Variants in FXR1 observed in about 807,000 individuals in gnomAD.
The protein encoded by FXR1 is FMR1 autosomal homolog 1.
In FXR1, 15 loss-of-function variants were observed where a neutral mutation model predicts 84.0. The ratio of observed to expected loss-of-function variants is 0.18; its 90% CI spans 0.12 to 0.27. The LOEUF is 0.27. Ranked by LOEUF, FXR1 falls within the 10% of genes least tolerant of loss-of-function variation. The pLI, the probability that FXR1 is intolerant of heterozygous loss-of-function variation, is 1.00. For missense variants in FXR1, 480 were observed against 774.4 expected, an observed-to-expected ratio of 0.62 and a Z score of 4.51; for synonymous variants, 245 against 250.7, an observed-to-expected ratio of 0.98 and a Z score of 0.21.
intron 9 of FXR1, among the ~76,000 whole-genome samples, chr3:180,955,388 A>G (rs1463753534): frequency 6.6e-6 from 1 of 152,124 alleles, no homozygotes; most frequent in Non-Finnish European, 1.5e-5. Context: ...TTCTTGGTAT[A>G]CCGTTGTTCA....
intron 8 of FXR1, among the ~76,000 whole-genome samples, chr3:180,952,219 A>C (rs1209697027): frequency 6.6e-6 from 1 of 152,174 alleles, no homozygotes; most frequent in Non-Finnish European, 1.5e-5. Flanking sequence ...CAGCCTTCCA[A>C]AGTGCCGGGA....
At position 180,961,456 on chromosome 3, in the gene FXR1, T is replaced by C. The variant is rs1380951256; in HGVS notation, c.991-12T>C. On this transcript the variant is annotated splice_polypyrimidine_tract_variant and intron_variant, in intron 10 of 16. Transcript: ENST00000357559. ...TATTAAACACTGAATACTTTTTTTT[T>C]TTTTTAAACAGGGTATGGTTCCATT... 5 of 1,438,798 alleles carry C rather than the reference T, an allele frequency of 3.5e-6. No individual in the cohort carries two copies. Among genetic ancestry groups the C allele is most frequent in the Non-Finnish European group, 9.7e-7 (1 of 1,029,068 alleles). The allele number at this position is 1,438,798 out of a possible 1,614,324, so 89.1% of individuals were successfully genotyped here.
chr3:180,914,450 A>G (rs573437611), intron 1 of FXR1, among the ~76,000 whole-genome samples: 1 of 152,224 alleles, frequency 6.6e-6, no homozygotes, highest in South Asian at 2.1e-4. Flanking sequence ...TTTCTTGCAT[A>G]TTGGAAAAAA....
chr3:180,974,497 A>C (rs1303107556), intron 15 of FXR1, among the ~76,000 whole-genome samples: 6 of 152,216 alleles, frequency 3.9e-5, no homozygotes, highest in African/African-American at 1.2e-4. Flanking sequence ...GTCAGTCCAC[A>C]TACTGTAGAA....
intron 9 of FXR1, among the ~76,000 whole-genome samples, chr3:180,954,872 ATTTTT>A (rs11328945): frequency 3.6e-4 from 41 of 114,578 alleles, no homozygotes; most frequent in African/African-American, 1.1e-3. Context: ...TTCTAAAAAG[ATTTTT>A]TTTTTTTTTT....
At chr3:180,944,654 T>C (rs977869097) in intron 3 of FXR1, among the ~76,000 whole-genome samples, 7 of 152,032 alleles carry the variant, frequency 4.6e-5, no homozygotes, top group Non-Finnish European at 1.5e-5. Context: ...AGGCCATTAT[T>C]GACTCCATGC....
chr3:180,938,572 G>C (rs528718631), intron 3 of FXR1, among the ~76,000 whole-genome samples: 4 of 152,046 alleles, frequency 2.6e-5, no homozygotes, highest in African/African-American at 7.2e-5. Flanking sequence ...TTTTGAGATG[G>C]AGTTTTGCTC....
At chr3:180,963,671 C>G (rs777293415) in intron 13 of FXR1, among the ~76,000 whole-genome samples, 1 of 152,202 alleles carries the variant, frequency 6.6e-6, no homozygotes, top group African/African-American at 2.4e-5. Context: ...TCTAATTTAA[C>G]ACTTTATAAA....
intron 1 of FXR1, chr3:180,914,850 C>T (rs1369373471): frequency 9.1e-6 from 9 of 984,172 alleles, no homozygotes; most frequent in East Asian, 1.1e-4. Flanking sequence ...AAATCATGTA[C>T]GCTTGAACAT....
intron 6 of FXR1, 45 bp from the exon 7 acceptor site, chr3:180,949,182 G>A: frequency 1.0e-6 from 1 of 958,604 alleles, no homozygotes; most frequent in Non-Finnish European, 1.7e-6. Context: ...TGTGCTATTT[G>A]GAAGAATGAT....
intron 7 of FXR1, among the ~76,000 whole-genome samples, chr3:180,950,013 T>G (rs763300458): frequency 5.3e-5 from 8 of 152,234 alleles, no homozygotes; most frequent in Non-Finnish European, 1.0e-4. Flanking sequence ...ACAACTCTTG[T>G]GTGAGAGGAG....
intron 7 of FXR1, 109 bp from the exon 8 acceptor site, chr3:180,951,188 AC>A: frequency 3.1e-6 from 2 of 650,190 alleles, no homozygotes; most frequent in Non-Finnish European, 5.4e-6. Flanking sequence ...ACGCCACTGC[AC>A]CCTAGCCTTG....
chr3:180,979,000 T>C lies in FXR1; in HGVS notation c.*2708T>C, dbSNP rs1261626528. ...GAATACACAAATCTTTATTTTGAAA[T>C]AATCTTGTATTTTAATGTGGAATTA... On this transcript the variant is annotated 3_prime_UTR_variant, in exon 17 of 17. Coordinates refer to ENST00000357559, the MANE Select transcript of FXR1 (RefSeq NM_005087.4). 1 of 152,106 alleles carries C rather than the reference T, an allele frequency of 6.6e-6. No individual in the cohort carries two copies. The highest frequency in any genetic ancestry group is 1.5e-5 in the Non-Finnish European group (1 of 67,984). The allele number at this position is 152,106 out of a possible 1,614,324, so 9.4% of individuals were successfully genotyped here. A position where few individuals can be genotyped will look rare whatever the true frequency, so the allele number is the denominator to read the frequency against.
intron 15 of FXR1, among the ~76,000 whole-genome samples, chr3:180,973,428 A>C (rs912168911): frequency 1.3e-5 from 2 of 152,224 alleles, no homozygotes; most frequent in East Asian, 3.8e-4. Flanking sequence ...TTAATTTAGC[A>C]GCAGGCTTTC....
intron 8 of FXR1, among the ~76,000 whole-genome samples, chr3:180,952,351 T>C (rs1450601236): frequency 2.0e-5 from 3 of 152,186 alleles, no homozygotes; most frequent in African/African-American, 7.2e-5. Context: ...GACTAGAAGC[T>C]TCACTTTTAA....
At chr3:180,935,451 T>C (rs567589497) in intron 3 of FXR1, among the ~76,000 whole-genome samples, 2 of 152,318 alleles carry the variant, frequency 1.3e-5, no homozygotes, top group South Asian at 2.1e-4. Context: ...AATTTATCAT[T>C]ATAATTTGGA....
chr3:180,943,411 C>T (rs1267253191), intron 3 of FXR1, among the ~76,000 whole-genome samples: 7 of 151,220 alleles, frequency 4.6e-5, no homozygotes, highest in East Asian at 2.0e-4. Flanking sequence ...TACGGGCGCC[C>T]GCCCACCACC....
At chr3:180,936,425 G>A (rs929645371) in intron 3 of FXR1, among the ~76,000 whole-genome samples, 8 of 151,820 alleles carry the variant, frequency 5.3e-5, no homozygotes, top group South Asian at 4.2e-4. Flanking sequence ...CCACCATCAC[G>A]CCCAGCTAAT....
intron 11 of FXR1, among the ~76,000 whole-genome samples, chr3:180,962,011 T>G (rs1712183833): frequency 6.6e-6 from 1 of 152,196 alleles, no homozygotes; most frequent in Non-Finnish European, 1.5e-5. Flanking sequence ...TCCACTGACA[T>G]TACTCGATAA....
Sources: gnomAD v4.1 joint callset for allele counts (sites outside exome capture counted in the v4.1 genomes callset) on GRCh38, gnomAD v4.1.1 for gene constraint, MANE v1.5 for transcripts, NCBI Gene and HGNC (gene_info 2026-07-23, HGNC 2026-07-21) for gene names.